The following RFX8 variants were observed in gnomAD, a reference collection of about 807,000 sequenced individuals.
The protein encoded by RFX8 is DNA-binding protein RFX8.
A neutral mutation model predicts 54.6 loss-of-function variants in RFX8; 46 were observed. The ratio of observed to expected loss-of-function variants is 0.84; its 90% confidence interval spans 0.67 to 1.08. The LOEUF (loss-of-function observed/expected upper bound fraction) is 1.08, where lower values mean the gene tolerates loss of function less well. Among genes scored for constraint, RFX8 ranks in the 50% least tolerant of loss-of-function variants. The pLI, the probability that RFX8 is intolerant of heterozygous loss-of-function variation, is 0.00. For synonymous variants in RFX8, 192 were observed against 209.5 expected (o/e 0.92, Z 0.72); for missense variants, 536 against 562.3 (o/e 0.95, Z 0.47).
chr2:101,454,209 C>T lies in RFX8; in HGVS notation c.72+12568G>A, dbSNP rs138341008. Among the ~76,000 whole-genome samples, 581 of 152,200 alleles carry T rather than the reference C, an allele frequency of 3.8e-3. 9 individuals carry two copies. Among genetic ancestry groups the T allele is most frequent in the African/African-American group, 0.013 (520 of 41,508 alleles). The stretch of plus-strand genomic sequence containing the variant: ...GATGGTTTCCAGCATCATCCATGTC[C>T]CTGCAAAGGACATGAACTCATCTTT... On this transcript the variant is annotated intron_variant, in intron 2 of 11. Transcript: ENST00000428343.
intron 2 of RFX8, among the ~76,000 whole-genome samples, chr2:101,463,935 C>T (rs544900834): frequency 6.6e-6 from 1 of 152,324 alleles, no homozygotes; most frequent in Admixed American, 6.5e-5. Context: ...ATACTCTAAG[C>T]ATCAGACTGA....
At chr2:101,434,000 CA>C (rs561213498) in intron 2 of RFX8, among the ~76,000 whole-genome samples, 191 of 151,802 alleles carry the variant, frequency 1.3e-3, no homozygotes, top group African/African-American at 4.3e-3. Flanking sequence ...TTGATTATAC[CA>C]ATAATATTAA....
chr2:101,450,347 G>C (rs1312946282), intron 2 of RFX8, among the ~76,000 whole-genome samples: 1 of 152,034 alleles, frequency 6.6e-6, no homozygotes, highest in Non-Finnish European at 1.5e-5. Flanking sequence ...TCAGCCTCTC[G>C]AGTAGCTGAC....
At position 101,421,767 on chromosome 2, in the gene RFX8, AG is replaced by A; in HGVS notation, c.193del (p.Ala66LeufsTer33). 1 of 1,550,074 alleles carries A rather than the reference AG, an allele frequency of 6.5e-7. No individual in the cohort carries two copies. The highest frequency in any genetic ancestry group is 8.7e-7 in the Non-Finnish European group (1 of 1,146,086). On this transcript the variant is annotated frameshift_variant, in exon 4 of 12. Transcript: ENST00000428343. LOFTEE classifies it high-confidence loss of function. ...ACAATAGTTGCAGTATTCGTCAGCA[AG>A]GAAGGCCATCTAGGAAGAATATGGA... ...KKYSCNMMAFLADEYCNYCRD... is the reference protein window; with the variant it reads ...KKYSCNMMAFXADEYCNYCRD...
At chr2:101,432,913 G>C (rs961675895) in intron 2 of RFX8, among the ~76,000 whole-genome samples, 3 of 152,146 alleles carry the variant, frequency 2.0e-5, no homozygotes, top group Admixed American at 6.5e-5. Context: ...AGGCGAGTCC[G>C]TCCTCAGGTC....
At chr2:101,400,248 G>C (rs1685353392) in intron 11 of RFX8, among the ~76,000 whole-genome samples, 1 of 152,154 alleles carries the variant, frequency 6.6e-6, no homozygotes, top group Non-Finnish European at 1.5e-5. Context: ...ACTTTAGTCT[G>C]GCTCCTGAAC....
intron 2 of RFX8, among the ~76,000 whole-genome samples, chr2:101,464,125 G>A (rs768582700): frequency 1.3e-5 from 2 of 152,174 alleles, no homozygotes; most frequent in African/African-American, 2.4e-5. Flanking sequence ...AGCTCCTGCC[G>A]GTCCCATATG....
chr2:101,469,137 A>AGT (rs1689831991), intron 1 of RFX8, among the ~76,000 whole-genome samples: 3 of 117,028 alleles, frequency 2.6e-5, no homozygotes, highest in East Asian at 5.8e-4. Flanking sequence ...TATATATATA[A>AGT]GTATATATAT....
chr2:101,429,280 A>C (rs762554287), intron 2 of RFX8, among the ~76,000 whole-genome samples: 1 of 152,236 alleles, frequency 6.6e-6, no homozygotes, highest in Non-Finnish European at 1.5e-5. Context: ...CGTCATGGGT[A>C]GAATTCGCTC....
intron 2 of RFX8, among the ~76,000 whole-genome samples, chr2:101,432,728 A>G (rs1286569096): frequency 2.0e-5 from 3 of 152,214 alleles, no homozygotes; most frequent in African/African-American, 7.2e-5. Context: ...ATACAGCGCC[A>G]AGGAAACCAC....
chr2:101,466,409 T>C (rs1209029674), intron 2 of RFX8, among the ~76,000 whole-genome samples: 1 of 151,570 alleles, frequency 6.6e-6, no homozygotes, highest in Non-Finnish European at 1.5e-5. Flanking sequence ...TTGTCTGACA[T>C]CACAAAGTGG....
chr2:101,419,077 A>G, intron 4 of RFX8, 113 bp from the exon 5 acceptor site: 1 of 627,924 alleles, frequency 1.6e-6, no homozygotes, highest in South Asian at 1.9e-5. Context: ...ATTTTGTTCC[A>G]GTGCGTGTAA....
chr2:101,453,283 A>T (rs1688795448), intron 2 of RFX8, among the ~76,000 whole-genome samples: 1 of 73,078 alleles, frequency 1.4e-5, no homozygotes, highest in Non-Finnish European at 3.2e-5. Context: ...TCTCAAAAAA[A>T]AATAAATAAA....
chr2:101,414,583 T>A (rs563732616), intron 7 of RFX8, among the ~76,000 whole-genome samples: 10 of 152,044 alleles, frequency 6.6e-5, no homozygotes, highest in Non-Finnish European at 1.3e-4. Context: ...CCATCGGGCA[T>A]CTTTTAAGTG....
At chr2:101,428,234 G>A (rs563265306) in intron 2 of RFX8, among the ~76,000 whole-genome samples, 73 of 152,260 alleles carry the variant, frequency 4.8e-4, no homozygotes, top group African/African-American at 1.7e-3. Flanking sequence ...GCAACAAAAC[G>A]AGATTCCATC....
At chr2:101,401,474 G>C (rs747434776) in intron 11 of RFX8, among the ~76,000 whole-genome samples, 6 of 152,184 alleles carry the variant, frequency 3.9e-5, no homozygotes, top group Non-Finnish European at 7.3e-5. Flanking sequence ...GCTTCAGGTT[G>C]AATGATCGCA....
rs1368292427 is a variant in RFX8, at chr2:101,474,117, C to T, written c.-53+519G>A. On this transcript the variant is annotated intron_variant, in intron 1 of 11. Transcript: ENST00000428343. ...TCACACCCGGCTTTGACCCGGCGTC[C>T]CGAGGGCAGCCGTAGCGGGAACCAC... 5.6e-6 allele frequency: 3 copies of T among 533,890 alleles called. No homozygotes were observed. The African/African-American group carries it at 6.1e-5, about 11-fold the overall frequency. The allele number at this position is 533,890 out of a possible 1,614,324, so 33.1% of individuals were successfully genotyped here.
At chr2:101,461,847 G>A (rs886236203) in intron 2 of RFX8, among the ~76,000 whole-genome samples, 1 of 152,148 alleles carries the variant, frequency 6.6e-6, no homozygotes. Context: ...TGACCAAAGC[G>A]CACGCAAAAG....
At chr2:101,424,383 G>C (rs572798736) in intron 2 of RFX8, among the ~76,000 whole-genome samples, 1 of 152,304 alleles carries the variant, frequency 6.6e-6, no homozygotes, top group Non-Finnish European at 1.5e-5. Context: ...TGCTGGAGAG[G>C]ATGTGGAGAA....
Sources: gnomAD v4.1 joint callset for allele counts (sites outside exome capture counted in the v4.1 genomes callset) on GRCh38, gnomAD v4.1.1 for gene constraint, MANE v1.5 for transcripts, NCBI Gene and HGNC (gene_info 2026-07-23, HGNC 2026-07-21) for gene names.